EVA1C: variants seen among roughly 807,000 people sequenced by gnomAD.
EVA1C encodes the protein eva-1 homolog C, also known as protein eva-1 homolog C.
EVA1C carries 25 observed loss-of-function variants against 45.4 expected under a neutral mutation model. That is an observed-to-expected ratio of 0.55 (90% CI 0.40 to 0.77). The LOEUF is 0.77. Among genes scored for constraint, EVA1C ranks in the 30% least tolerant of loss-of-function variants. EVA1C has a pLI of 0.00. For missense variants in EVA1C, 479 were observed against 554.8 expected (o/e 0.86, Z 1.37); for synonymous variants, 190 against 221.2 (o/e 0.86, Z 1.25).
chr21:32,431,477 C>T (rs1200451046), intron 1 of EVA1C, among the ~76,000 whole-genome samples: 1 of 152,230 alleles, frequency 6.6e-6, no homozygotes, highest in East Asian at 1.9e-4. Context: ...GGGTGTGTTT[C>T]ACACATGCCA....
At chr21:32,449,130 T>TAC (rs560172634) in intron 1 of EVA1C, among the ~76,000 whole-genome samples, 2 of 152,048 alleles carry the variant, frequency 1.3e-5, no homozygotes, top group Non-Finnish European at 2.9e-5. Flanking sequence ...GCCACACACA[T>TAC]ACACACACAC....
intron 1 of EVA1C, among the ~76,000 whole-genome samples, chr21:32,429,807 G>A (rs2034629793): frequency 6.6e-6 from 1 of 152,122 alleles, no homozygotes; most frequent in Non-Finnish European, 1.5e-5. Context: ...TAAAAGGGGT[G>A]AAATGAATTC....
At chr21:32,459,136 TCACACACAGG>T (rs1442927509) in intron 3 of EVA1C, among the ~76,000 whole-genome samples, 1 of 152,002 alleles carries the variant, frequency 6.6e-6, no homozygotes, top group African/African-American at 2.4e-5. Flanking sequence ...ATAGACATCA[TCACACACAGG>T]CACACACTAA....
At chr21:32,451,017 G>A (rs1484752923) in intron 1 of EVA1C, among the ~76,000 whole-genome samples, 2 of 152,186 alleles carry the variant, frequency 1.3e-5, no homozygotes, top group African/African-American at 4.8e-5. Flanking sequence ...CTGGATGAAC[G>A]TGCCAGGAAA....
intron 3 of EVA1C, among the ~76,000 whole-genome samples, chr21:32,458,351 G>A (rs1273200653): frequency 6.6e-6 from 1 of 152,062 alleles, no homozygotes; most frequent in Non-Finnish European, 1.5e-5. Flanking sequence ...TCCGTGGGTG[G>A]GTCACACTTC....
intron 1 of EVA1C, among the ~76,000 whole-genome samples, chr21:32,449,516 G>A (rs138779777): frequency 0.017 from 2,598 of 152,174 alleles, 68 homozygotes; most frequent in African/African-American, 0.059. Context: ...ATGCATTTAA[G>A]GTTTCTCCAT....
At chr21:32,483,962 A>ATGTG (rs55688415) in intron 4 of EVA1C, among the ~76,000 whole-genome samples, 4,919 of 147,266 alleles carry the variant, frequency 0.033, 89 homozygotes, top group Middle Eastern at 0.087. Flanking sequence ...CTCACTGTTT[A>ATGTG]TGTGTGTGTG....
chr21:32,438,486 C>CAAAAAAAA (rs35688820), intron 1 of EVA1C, among the ~76,000 whole-genome samples: 4 of 57,270 alleles, frequency 7.0e-5, no homozygotes, highest in African/African-American at 1.4e-4. Context: ...GACTCTGTCT[C>CAAAAAAAA]AAAAAAAAAA....
At chr21:32,464,060 C>T (rs1414375471) in intron 3 of EVA1C, among the ~76,000 whole-genome samples, 1 of 152,200 alleles carries the variant, frequency 6.6e-6, no homozygotes, top group African/African-American at 2.4e-5. Flanking sequence ...TACTCATAAA[C>T]TGCATATAAA....
At chr21:32,466,875 G>T (rs1429567330) in intron 3 of EVA1C, among the ~76,000 whole-genome samples, 1 of 151,178 alleles carries the variant, frequency 6.6e-6, no homozygotes, top group African/African-American at 2.4e-5. Flanking sequence ...TTCCCAGGCT[G>T]GTCTCCAACT....
At chr21:32,462,644 C>A (rs1383007776) in intron 3 of EVA1C, among the ~76,000 whole-genome samples, 1 of 152,174 alleles carries the variant, frequency 6.6e-6, no homozygotes, top group Admixed American at 6.5e-5. Flanking sequence ...GGCCATGATG[C>A]CCATGCTGGA....
chr21:32,487,289 G>A (rs571741179), intron 4 of EVA1C, among the ~76,000 whole-genome samples: 1 of 152,308 alleles, frequency 6.6e-6, no homozygotes, highest in South Asian at 2.1e-4. Context: ...CCAAGCTGGA[G>A]AGAGAGGCTG....
chr21:32,504,332 A>G lies in EVA1C; in HGVS notation c.949+317A>G, dbSNP rs139343467. 2.3e-4 allele frequency among the ~76,000 whole-genome samples: 35 copies of G among 152,378 alleles called. No homozygotes were observed. In the East Asian group the frequency reaches 6.6e-3, roughly 29 times the overall value. On this transcript the variant is annotated intron_variant, in intron 7 of 7. Transcript: ENST00000300255. ...CAGCTCTAAAATTCGGGAAGGAACT[A>G]GGATTATTGAATTCCAGCCCTGACT...
At chr21:32,506,500 A>G (rs1258652783) in intron 7 of EVA1C, among the ~76,000 whole-genome samples, 1 of 152,026 alleles carries the variant, frequency 6.6e-6, no homozygotes, top group Admixed American at 6.6e-5. Flanking sequence ...CAAGAGAAAG[A>G]GTCTCTAAAT....
intron 5 of EVA1C, among the ~76,000 whole-genome samples, chr21:32,500,917 A>G (rs1001431849): frequency 7.2e-5 from 11 of 151,808 alleles, no homozygotes; most frequent in African/African-American, 2.7e-4. Flanking sequence ...GTTCAAGCAA[A>G]TTCTCCCTGC....
chr21:32,489,505 T>C (rs1601404718), intron 4 of EVA1C, among the ~76,000 whole-genome samples: 1 of 152,234 alleles, frequency 6.6e-6, no homozygotes, highest in East Asian at 1.9e-4. Flanking sequence ...ACTATAGCTT[T>C]GTAGTAGATT....
intron 4 of EVA1C, among the ~76,000 whole-genome samples, chr21:32,483,026 T>A: frequency 2.1e-3 from 1 of 478 alleles, no homozygotes; most frequent in Admixed American, 0.023. Flanking sequence ...CAGCTACTTT[T>A]AATTTTGTTT....
chr21:32,436,261 G>C (rs1601250182), intron 1 of EVA1C, among the ~76,000 whole-genome samples: 1 of 152,018 alleles, frequency 6.6e-6, no homozygotes, highest in African/African-American at 2.4e-5. Context: ...ACGGGGTTTC[G>C]CCATGTTGGC....
intron 1 of EVA1C, among the ~76,000 whole-genome samples, chr21:32,442,405 G>T (rs1415579753): frequency 6.6e-6 from 1 of 152,066 alleles, no homozygotes. Flanking sequence ...ATGCCCCTGG[G>T]TGTGTAGTGC....
Sources: allele counts gnomAD v4.1 joint callset (sites outside exome capture counted in the v4.1 genomes callset), GRCh38; gene constraint gnomAD v4.1.1; transcripts MANE v1.5; gene names NCBI Gene and HGNC (gene_info 2026-07-23, HGNC 2026-07-21).